PDE1C: variants seen among roughly 807,000 people sequenced by gnomAD.
The protein encoded by PDE1C is phosphodiesterase 1C.
A neutral mutation model predicts 93.1 loss-of-function variants in PDE1C; 62 were observed. The ratio of observed to expected loss-of-function variants is 0.67; its 90% CI spans 0.54 to 0.82. The LOEUF is 0.82. Ranked by LOEUF, PDE1C falls within the 40% of genes least tolerant of loss-of-function variation. The probability of loss-of-function intolerance (pLI) is 0.00; values close to 1 mark genes in which losing one functional copy is unlikely to be tolerated. For missense variants in PDE1C, 742 were observed against 884.6 expected, an observed-to-expected ratio of 0.84 and a Z score of 2.04; for synonymous variants, 325 against 310.1, an observed-to-expected ratio of 1.05 and a Z score of -0.50.
At chr7:31,893,309 T>C (rs181698441) in intron 2 of PDE1C, among the ~76,000 whole-genome samples, 2 of 152,340 alleles carry the variant, frequency 1.3e-5, no homozygotes, top group East Asian at 3.9e-4. Flanking sequence ...ATACATCATT[T>C]TGTAATAGCT....
At chr7:31,819,557 T>C (rs1788699437) in intron 14 of PDE1C, among the ~76,000 whole-genome samples, 2 of 152,068 alleles carry the variant, frequency 1.3e-5, no homozygotes, top group Non-Finnish European at 2.9e-5. Flanking sequence ...TCCTTTGGCT[T>C]CCCATGTCAG....
rs1278290458 is a variant in PDE1C, at chr7:32,360,596, G to A, written c.310+67226C>T. Among the ~76,000 whole-genome samples, 5 of 152,170 alleles carry A rather than the reference G, an allele frequency of 3.3e-5. No individual in the cohort carries two copies. The East Asian group carries it at 9.6e-4, about 29-fold the overall frequency. On this transcript the variant is annotated intron_variant, in intron 1 of 1. Coordinates refer to the PDE1C transcript ENST00000672256. ...CAGCTTCATGGGGTGTAACAGGTGG[G>A]ATGGCACAGGGCTCCACTCTCAAAA...
chr7:31,820,200 A>G (rs1273747080), intron 14 of PDE1C, among the ~76,000 whole-genome samples: 1 of 152,118 alleles, frequency 6.6e-6, no homozygotes, highest in Non-Finnish European at 1.5e-5. Context: ...CAAAATTTTT[A>G]CTTATACATA....
rs1554361935 is a variant in PDE1C at position 31,841,227 on chromosome 7, C to CTA, written c.981-3258_981-3257dup. On this transcript the variant is annotated intron_variant, in intron 9 of 17. Coordinates refer to ENST00000396191, the MANE Select transcript of PDE1C (RefSeq NM_001191057.4). ...TCTCTCTGTCTCTCTCTCTCTCTCT[C>CTA]TATATATATATATATATGTATATGT... Among the ~76,000 whole-genome samples the CTA allele has an allele frequency of 1.6e-3, 225 of 142,288 alleles. 2 individuals carry two copies. The highest frequency in any genetic ancestry group is 5.4e-3 in the African/African-American group (205 of 37,944). 93.3% of individuals were successfully genotyped at this position (142,288 alleles called of 152,430 possible).
intron 15 of PDE1C, among the ~76,000 whole-genome samples, chr7:31,813,750 G>C (rs1031085710): frequency 1.3e-5 from 2 of 152,006 alleles, no homozygotes. Context: ...TTTTGGTATA[G>C]CCATCACCTG....
rs547785679 is a variant in PDE1C, at chr7:31,911,499, C to T, written c.129-30639G>A. On this transcript the variant is annotated intron_variant, in intron 2 of 17. Coordinates refer to ENST00000396191, the MANE Select transcript of PDE1C (RefSeq NM_001191057.4). ...GTATTAGCCACCAAAACTGAGCAAA[C>T]CTCATTCCGTTAGCTAGTCTCCAAA... 8.5e-5 allele frequency among the ~76,000 whole-genome samples: 13 copies of T among 152,214 alleles called. No individual in the cohort carries two copies. In the South Asian group the frequency reaches 2.5e-3, roughly 29 times the overall value.
chr7:31,971,110 C>G (rs937609794), intron 2 of PDE1C, among the ~76,000 whole-genome samples: 1 of 152,114 alleles, frequency 6.6e-6, no homozygotes, highest in Non-Finnish European at 1.5e-5. Flanking sequence ...CTACTGCACT[C>G]CAGCCCTGGG....
chr7:31,821,497 GA>G (rs1788948530), intron 14 of PDE1C, among the ~76,000 whole-genome samples: 1 of 152,246 alleles, frequency 6.6e-6, no homozygotes, highest in African/African-American at 2.4e-5. Flanking sequence ...TTGATTATAA[GA>G]GAGTGTTTCT....
intron 17 of PDE1C, among the ~76,000 whole-genome samples, chr7:31,763,208 C>T (rs907103619): frequency 2.6e-5 from 4 of 152,186 alleles, no homozygotes; most frequent in African/African-American, 7.2e-5. Flanking sequence ...GGCCAACCTG[C>T]TCCCTGTTCC....
chr7:31,731,068 T>G, the PDE1C span, among the ~76,000 whole-genome samples: 1 of 151,738 alleles, frequency 6.6e-6, no homozygotes, highest in African/African-American at 2.4e-5. Flanking sequence ...CAGGGGGAAG[T>G]GACCTTCCTT....
At chr7:32,321,533 C>T (rs1164565691) in intron 1 of PDE1C, among the ~76,000 whole-genome samples, 1 of 152,054 alleles carries the variant, frequency 6.6e-6, no homozygotes, top group Non-Finnish European at 1.5e-5. Flanking sequence ...AAATAGATGC[C>T]CCAGAGTTAA....
chr7:32,158,320 C>A (rs1434164061), intron 3 of PDE1C, among the ~76,000 whole-genome samples: 1 of 152,154 alleles, frequency 6.6e-6, no homozygotes, highest in Non-Finnish European at 1.5e-5. Context: ...TAAATGAGGA[C>A]AAGCATGTCT....
chr7:31,960,861 T>C lies in PDE1C; in HGVS notation c.129-80001A>G, dbSNP rs138283027. ...GTATCAGTCAAAATGATGCAAATTC[T>C]GGATTGTTTCTCTTATTCTCTCCAG... On this transcript the variant is annotated intron_variant, in intron 2 of 17. Transcript: ENST00000396191. 4.4e-4 allele frequency among the ~76,000 whole-genome samples: 67 copies of C among 152,342 alleles called. No individual in the cohort carries two copies. In the East Asian group the frequency reaches 0.013, roughly 29 times the overall value.
intron 1 of PDE1C, among the ~76,000 whole-genome samples, chr7:32,325,985 T>C (rs1344713761): frequency 6.6e-6 from 1 of 151,922 alleles, no homozygotes; most frequent in Non-Finnish European, 1.5e-5. Flanking sequence ...TGGTTGGAAG[T>C]AGTGAGATTC....
chr7:32,364,475 C>G (rs925486995), intron 1 of PDE1C, among the ~76,000 whole-genome samples: 2 of 152,132 alleles, frequency 1.3e-5, no homozygotes, highest in East Asian at 3.9e-4. Context: ...CTGCCTGGAG[C>G]CAGGACGGAC....
At position 31,880,467 on chromosome 7, in the gene PDE1C, T is replaced by C. The variant is rs112283827; in HGVS notation, c.242+280A>G. Among the ~76,000 whole-genome samples the C allele has an allele frequency of 1.1e-3, 165 of 152,350 alleles. 1 individual carries two copies. Among genetic ancestry groups the C allele is most frequent in the African/African-American group, 3.8e-3 (156 of 41,582 alleles). ...GCTCTATATCTGATTTTTAAAATCT[T>C]AGTGGATTTTTAAAAATTCGTTTTT... On this transcript the variant is annotated intron_variant, in intron 3 of 17. Transcript: ENST00000396191.
chr7:32,161,071 C>T (rs961483168), intron 3 of PDE1C, among the ~76,000 whole-genome samples: 3 of 152,146 alleles, frequency 2.0e-5, no homozygotes. Flanking sequence ...ATAGGAGGTT[C>T]GTGAGCTAAA....
chr7:32,172,861 AT>A (rs1802744551), intron 2 of PDE1C, among the ~76,000 whole-genome samples: 1 of 147,672 alleles, frequency 6.8e-6, no homozygotes, highest in African/African-American at 2.4e-5. Context: ...GAAGAAATAG[AT>A]TCTGGCGAGG....
chr7:32,193,623 G>A (rs1023325557), intron 2 of PDE1C, among the ~76,000 whole-genome samples: 4 of 151,930 alleles, frequency 2.6e-5, no homozygotes, highest in African/African-American at 9.7e-5. Context: ...TTTTTGTACT[G>A]TCTTTCTCAG....
Sources: gnomAD v4.1 joint callset for allele counts (sites outside exome capture counted in the v4.1 genomes callset) on GRCh38, gnomAD v4.1.1 for gene constraint, MANE v1.5 for transcripts, NCBI Gene and HGNC (gene_info 2026-07-23, HGNC 2026-07-21) for gene names.